Variants in KDM4A observed in about 807,000 individuals in gnomAD.
The protein encoded by KDM4A is lysine-specific demethylase 4A.
Under a neutral mutation model 127.1 loss-of-function variants are expected in KDM4A, and 23 were observed. The ratio of observed to expected loss-of-function variants is 0.18; its 90% CI spans 0.13 to 0.26. KDM4A has a LOEUF of 0.26. KDM4A is among the 10% of genes least tolerant of loss of function. KDM4A has a pLI of 1.00. For missense variants in KDM4A, 890 were observed against 1,329.1 expected (o/e 0.67, Z 5.14); for synonymous variants, 443 against 466.5 (o/e 0.95, Z 0.65).
intron 2 of KDM4A, chr1:43,653,761 T>C (rs1483841119): frequency 6.6e-6 from 1 of 152,644 alleles, no homozygotes; most frequent in African/African-American, 2.4e-5. Flanking sequence ...CTGGTCCTTG[T>C]AATTTGAAAT....
At position 43,693,264 on chromosome 1, in the gene KDM4A, C is replaced by G. The variant is rs1315103077; in HGVS notation, c.2376-730C>G. On this transcript the variant is annotated intron_variant, in intron 16 of 21. Transcript: ENST00000372396. This position sits in a 1 kb window ranked among gnomAD's most constrained non-coding sequence, Gnocchi z 4.2. ...AGGGCCACACAGAACAAATCTGTTCCCACTCTAAAAAGACAGCCCCACTAG... is the reference window on the plus strand; with the variant it reads ...AGGGCCACACAGAACAAATCTGTTCGCACTCTAAAAAGACAGCCCCACTAG... Among the ~76,000 whole-genome samples, 1 of 152,186 alleles carries G rather than the reference C, an allele frequency of 6.6e-6. No individual in the cohort carries two copies. Among genetic ancestry groups the G allele is most frequent in the Non-Finnish European group, 1.5e-5 (1 of 68,036 alleles).
At chr1:43,651,721 A>G (rs1037427231) in intron 1 of KDM4A, among the ~76,000 whole-genome samples, 1 of 152,110 alleles carries the variant, frequency 6.6e-6, no homozygotes, top group Non-Finnish European at 1.5e-5. Context: ...AGAATGGCCT[A>G]TTTTCATTGA....
intron 12 of KDM4A, among the ~76,000 whole-genome samples, chr1:43,687,780 C>G (rs1307251673): frequency 2.6e-5 from 4 of 152,228 alleles, no homozygotes; most frequent in Admixed American, 6.5e-5. Context: ...TTATCACTTA[C>G]ATGAGTTTTG....
At chr1:43,660,457 G>A (rs750995081) in intron 4 of KDM4A, 45 bp downstream of exon 4, 4 of 1,550,376 alleles carry the variant, frequency 2.6e-6, no homozygotes, top group East Asian at 4.8e-5. Context: ...TTGTAATTTT[G>A]TAATACCTTT....
chr1:43,672,637 G>GGCGCCCACCACC (rs1265080691), intron 11 of KDM4A, among the ~76,000 whole-genome samples: 1 of 152,064 alleles, frequency 6.6e-6, no homozygotes, highest in Non-Finnish European at 1.5e-5. Context: ...TGGGACTACA[G>GGCGCCCACCACC]GCGCCCACCA....
intron 3 of KDM4A, among the ~76,000 whole-genome samples, chr1:43,658,361 G>A (rs945678894): frequency 6.6e-6 from 1 of 152,032 alleles, no homozygotes; most frequent in Admixed American, 6.6e-5. Context: ...ATGAGCCACC[G>A]TGCCCAACCT....
intron 2 of KDM4A, chr1:43,653,600 T>C: frequency 4.2e-6 from 1 of 240,078 alleles, no homozygotes; most frequent in Non-Finnish European, 8.1e-6. Context: ...AGCTGGGTGC[T>C]GTGGTGTTAT....
At chr1:43,673,957 T>G (rs1441723266) in intron 11 of KDM4A, among the ~76,000 whole-genome samples, 2 of 152,246 alleles carry the variant, frequency 1.3e-5, no homozygotes, top group Non-Finnish European at 2.9e-5. Context: ...GTTTATCTTT[T>G]TTGAGACAGG....
intron 1 of KDM4A, among the ~76,000 whole-genome samples, chr1:43,652,230 A>T (rs1194567719): frequency 6.6e-6 from 1 of 152,186 alleles, no homozygotes; most frequent in Non-Finnish European, 1.5e-5. Flanking sequence ...TAATACTCTG[A>T]AAAGTGATTA....
chr1:43,656,329 GTTTTTTTTTT>G (rs11438925), intron 3 of KDM4A, among the ~76,000 whole-genome samples: 1 of 54,154 alleles, frequency 1.8e-5, no homozygotes, highest in Admixed American at 2.3e-4. Flanking sequence ...TCTGCTGTTG[GTTTTTTTTTT>G]TTTTTTTTTT....
chr1:43,675,411 T>G (rs1660718807), intron 11 of KDM4A, among the ~76,000 whole-genome samples: 1 of 152,110 alleles, frequency 6.6e-6, no homozygotes. Flanking sequence ...GGGGTTGCAG[T>G]GTAGAGTTCT....
chr1:43,661,632 A>G (rs1815352), intron 4 of KDM4A, among the ~76,000 whole-genome samples: 32,086 of 104,114 alleles, frequency 0.31, 7,307 homozygotes, highest in Middle Eastern at 0.36. Context: ...AAAAAAAAAA[A>G]AAAAAAAAGA....
chr1:43,677,836 T>TA (rs1660776903), intron 11 of KDM4A, among the ~76,000 whole-genome samples: 1 of 152,354 alleles, frequency 6.6e-6, no homozygotes, highest in Non-Finnish European at 1.5e-5. Context: ...ATGTGATTTT[T>TA]ATAACTAAAT....
intron 4 of KDM4A, among the ~76,000 whole-genome samples, chr1:43,661,696 G>C (rs1217672290): frequency 6.6e-6 from 1 of 151,650 alleles, no homozygotes; most frequent in Non-Finnish European, 1.5e-5. Flanking sequence ...CAGTCTTGTA[G>C]GGATGAATGG....
At chr1:43,702,348 T>C (rs527258381) in intron 19 of KDM4A, 1 of 152,336 alleles carries the variant, frequency 6.6e-6, no homozygotes, top group South Asian at 2.1e-4. Context: ...GGCTGTAGTT[T>C]ATGCCTAATT....
intron 4 of KDM4A, 70 bp downstream of exon 4, chr1:43,660,482 C>G (rs757901404): frequency 7.2e-6 from 11 of 1,528,402 alleles, no homozygotes; most frequent in Non-Finnish European, 9.7e-6. Context: ...CGGCCCGGCA[C>G]GTAGTAGGCA....
rs766548287 is a variant in KDM4A at position 43,690,951 on chromosome 1, G to A, written c.2144G>A (p.Gly715Asp). ...LIPEMCFTSTGCSTDINLSTP... is the reference protein window; with the variant it reads ...LIPEMCFTSTDCSTDINLSTP... The stretch of plus-strand genomic sequence containing the variant: ...CCAGAAATGTGCTTCACTTCGACTG[G>A]CTGCAGCACGGACATCAACCTTTCT... Residue 715 changes from glycine to aspartate, a missense_variant, in exon 14 of 22, where the codon GGC becomes GAC. By Grantham distance (94) the Gly-to-Asp change is moderately conservative. Around this residue, in one of 7 missense-constraint regions of KDM4A, gnomAD observed 389 missense variants for 485.9 expected, o/e 0.80. Coordinates refer to ENST00000372396, the MANE Select transcript of KDM4A (RefSeq NM_014663.3). The A allele has an allele frequency of 6.2e-7, 1 of 1,614,200 alleles. No homozygotes were observed. The highest frequency in any genetic ancestry group is 1.1e-5 in the South Asian group (1 of 91,084).
chr1:43,681,583 C>T (rs187784269), intron 11 of KDM4A, among the ~76,000 whole-genome samples: 1 of 152,312 alleles, frequency 6.6e-6, no homozygotes, highest in East Asian at 1.9e-4. Context: ...CTCTTAAAGC[C>T]TGTCACCTTG....
At position 43,671,564 on chromosome 1, in the gene KDM4A, G is replaced by A. The variant is rs1353939092; in HGVS notation, c.1423G>A (p.Glu475Lys). ...GCTTAAAAATGTCAAACTAGAAGAG[G>A]AGGATGAGGAGGAAGAACAAGCAGC... ...EELKNVKLEE[E>K]DEEEEQAAAA... Residue 475 changes from glutamate (E) to lysine (K), a missense_variant, in exon 11 of 22, where the codon GAG (glutamate) becomes AAG (lysine). Around this residue, in one of 7 missense-constraint regions of KDM4A, gnomAD observed 389 missense variants for 485.9 expected, o/e 0.80. Transcript: ENST00000372396. The A allele has an allele frequency of 6.2e-7, 1 of 1,603,330 alleles. No individual in the cohort carries two copies. Among genetic ancestry groups the A allele is most frequent in the Admixed American group, 1.7e-5 (1 of 57,188 alleles).
Sources: gnomAD v4.1 joint callset for allele counts (sites outside exome capture counted in the v4.1 genomes callset) on GRCh38, gnomAD v4.1.1 for gene constraint, gnomAD v4.1.1 regional missense constraint, Gnocchi (gnomAD v3.1) non-coding constraint, MANE v1.5 for transcripts, NCBI Gene and HGNC (gene_info 2026-07-23, HGNC 2026-07-21) for gene names.